RNF19A: variants seen among roughly 807,000 people sequenced by gnomAD.
The protein encoded by RNF19A is ring finger protein 19A, RBR E3 ubiquitin protein ligase.
Under a neutral mutation model 75.7 loss-of-function variants are expected in RNF19A, and 32 were observed. The observed-to-expected ratio is 0.42, with a 90% confidence interval of 0.32 to 0.57. The LOEUF (loss-of-function observed/expected upper bound fraction) is 0.57, where lower values mean the gene tolerates loss of function less well. Among genes scored for constraint, RNF19A ranks in the 20% least tolerant of loss-of-function variants. The probability of loss-of-function intolerance (pLI) is 0.10; values close to 1 mark genes in which losing one functional copy is unlikely to be tolerated. For synonymous variants in RNF19A, 335 were observed against 345.2 expected, an observed-to-expected ratio of 0.97 and a Z score of 0.33; for missense variants, 782 against 1,036.3, an observed-to-expected ratio of 0.75 and a Z score of 3.37.
intron 1 of RNF19A, among the ~76,000 whole-genome samples, chr8:100,320,293 C>A (rs927325650): frequency 6.6e-6 from 1 of 151,978 alleles, no homozygotes; most frequent in Non-Finnish European, 1.5e-5. Flanking sequence ...TTTTAAAAAA[C>A]AACAACAACA....
At chr8:100,286,847 AC>A (rs567840826) in intron 2 of RNF19A, among the ~76,000 whole-genome samples, 45 of 152,324 alleles carry the variant, frequency 3.0e-4, no homozygotes, top group Middle Eastern at 3.4e-3. Context: ...ACAACTGTAC[AC>A]AATAAATACT....
chr8:100,269,422 G>T lies in RNF19A; in HGVS notation c.1028+447C>A, dbSNP rs1264543023. On this transcript the variant is annotated intron_variant, in intron 4 of 9. Transcript: ENST00000341084. The surrounding 1 kb of genome is among the most constrained non-coding windows in gnomAD (Gnocchi z 5.7). ...ATATTAACAAGATACTGATAACTGA[G>T]ATTCAGGTTAAAAATTTATCCCTAG... 6.6e-6 allele frequency among the ~76,000 whole-genome samples: 1 copy of T among 150,820 alleles called. No individual in the cohort carries two copies. The highest frequency in any genetic ancestry group is 1.5e-5 in the Non-Finnish European group (1 of 67,776).
chr8:100,258,872 G>A lies in RNF19A; in HGVS notation c.2201C>T (p.Ser734Phe). The change falls in exon 10 of 10, where the codon TCT becomes TTT. Residue 734 changes from serine to phenylalanine, a missense_variant. Ser to Phe is a radical substitution (Grantham distance 155, BLOSUM62 -2). This residue lies in a region of RNF19A where 442 missense variants were observed against 541.6 expected (regional missense o/e 0.82). Transcript: ENST00000341084. This position sits in a 1 kb window ranked among gnomAD's most constrained non-coding sequence, Gnocchi z 4.3. Reference sequence around the variant, plus strand: ...AGAAGTTTTCATGCTTTCTAGGTCAGAACAACTAAATTCAGAAAAATGACT... The same window carrying A: ...AGAAGTTTTCATGCTTTCTAGGTCAAAACAACTAAATTCAGAAAAATGACT... The part of the protein sequence containing the change: ...HSSHFSEFSC[S>F]DLESMKTSCS... 6.2e-7 allele frequency: 1 copy of A among 1,614,144 alleles called. No individual in the cohort carries two copies. Among genetic ancestry groups the A allele is most frequent in the Non-Finnish European group, 8.5e-7 (1 of 1,180,026 alleles).
Position 100,287,657 on chromosome 8 carries a change from T to C in RNF19A, c.518A>G (p.Asn173Ser), listed in dbSNP as rs1225164600. 8.7e-6 allele frequency: 14 copies of C among 1,614,134 alleles called. No individual in the cohort carries two copies. Among genetic ancestry groups the C allele is most frequent in the Non-Finnish European group, 1.1e-5 (13 of 1,179,990 alleles). The change falls in exon 2 of 10, where the codon AAT becomes AGT. Residue 173 changes from asparagine to serine, a missense_variant. This residue lies in a region of RNF19A where 85 missense variants were observed against 177.7 expected (regional missense o/e 0.48). Transcript: ENST00000341084. This position sits in a 1 kb window ranked among gnomAD's most constrained non-coding sequence, Gnocchi z 4.1. ...LRIEISESRV[N>S]ISCPECTERF... The stretch of plus-strand genomic sequence containing the variant: ...TTCAGTACATTCTGGGCAACTAATA[T>C]TAACTCTGCTTTCAGAGATTTCTAT...
In RNF19A at chr8:100,268,957, A is replaced by G; in HGVS notation, c.1029-10T>C. The stretch of plus-strand genomic sequence containing the variant: ...AGTACATCCTGATGGACTAACGGAA[A>G]AAATTATAATGTAAATAACTGCTGC... On this transcript the variant is annotated splice_polypyrimidine_tract_variant and intron_variant, in intron 4 of 9. Transcript: ENST00000341084. 6.4e-7 allele frequency: 1 copy of G among 1,566,602 alleles called. No individual in the cohort carries two copies. The highest frequency in any genetic ancestry group is 1.2e-5 in the South Asian group (1 of 84,768).
intron 1 of RNF19A, among the ~76,000 whole-genome samples, chr8:100,315,647 G>GT (rs1822362146): frequency 6.6e-6 from 1 of 151,384 alleles, no homozygotes; most frequent in Non-Finnish European, 1.5e-5. Context: ...CTTCTTCGTC[G>GT]TCTTGTTGTT....
chr8:100,302,290 G>A (rs1013899986), intron 1 of RNF19A, among the ~76,000 whole-genome samples: 2 of 152,164 alleles, frequency 1.3e-5, no homozygotes, highest in African/African-American at 4.8e-5. Context: ...GAAAGATGAC[G>A]ATGGCACATC....
chr8:100,282,527 A>C (rs957155112), intron 2 of RNF19A, among the ~76,000 whole-genome samples: 1 of 152,216 alleles, frequency 6.6e-6, no homozygotes, highest in East Asian at 1.9e-4. Context: ...ATGTTTATGT[A>C]TGTGTGTTCT....
rs962392901 is a variant in RNF19A, at chr8:100,309,517, G to A, written c.-94+350C>T. ...GACAGCTCGAGGGGAGCGCCGCCTC[G>A]GCCCGTCATAATATCGCCGGGCCGG... On this transcript the variant is annotated intron_variant, in intron 1 of 9. Coordinates refer to ENST00000341084, the MANE Select transcript of RNF19A (RefSeq NM_183419.4). 9 of 985,298 alleles carry A rather than the reference G, an allele frequency of 9.1e-6. No individual in the cohort carries two copies. In the Admixed American group the frequency reaches 1.8e-4, roughly 20 times the overall value. 61.0% of individuals were successfully genotyped at this position (985,298 alleles called of 1,614,324 possible).
chr8:100,280,664 G>GT (rs1413548427), intron 2 of RNF19A, among the ~76,000 whole-genome samples: 1 of 152,184 alleles, frequency 6.6e-6, no homozygotes, highest in East Asian at 1.9e-4. Flanking sequence ...TTGTCTAGTA[G>GT]TTTTTTCTCA....
At position 100,287,324 on chromosome 8, in the gene RNF19A, G is replaced by C. The variant is rs552892984; in HGVS notation, c.674+177C>G. On this transcript the variant is annotated intron_variant, in intron 2 of 9. Transcript: ENST00000341084. This position sits in a 1 kb window ranked among gnomAD's most constrained non-coding sequence, Gnocchi z 4.1. ...TAACGCAGAGACGATATAGAAATGAGTAAGATAGGATCACTGCCTTTAACA... is the reference window on the plus strand; with the variant it reads ...TAACGCAGAGACGATATAGAAATGACTAAGATAGGATCACTGCCTTTAACA... Among the ~76,000 whole-genome samples the C allele has an allele frequency of 6.6e-6, 1 of 152,130 alleles. No homozygotes were observed. The highest frequency in any genetic ancestry group is 6.5e-5 in the Admixed American group (1 of 15,274).
intron 3 of RNF19A, among the ~76,000 whole-genome samples, chr8:100,272,073 C>T (rs1053102054): frequency 2.6e-5 from 4 of 152,140 alleles, no homozygotes; most frequent in Non-Finnish European, 5.9e-5. Context: ...CAATGATAAT[C>T]TCTTAGGGTG....
chr8:100,332,520 T>C lies in RNF19A; in HGVS notation c.-243+3588A>G, dbSNP rs117489322. 0.011 allele frequency among the ~76,000 whole-genome samples: 1,634 copies of C among 152,356 alleles called. 14 individuals are homozygous for C. The highest frequency in any genetic ancestry group is 0.018 in the Non-Finnish European group (1,244 of 68,026). ...ATAAATTACTCAGTTTCAGGGAAGT[T>C]CTTTATAGCAGTGTGAAAACAGACT... On this transcript the variant is annotated intron_variant, in intron 1 of 3. Transcript: ENST00000519527. The surrounding 1 kb of genome is among the most constrained non-coding windows in gnomAD (Gnocchi z 4.8).
intron 1 of RNF19A, among the ~76,000 whole-genome samples, chr8:100,293,417 T>C (rs1050126422): frequency 6.6e-6 from 1 of 152,250 alleles, no homozygotes; most frequent in African/African-American, 2.4e-5. Context: ...GGACTTAAAA[T>C]AGGTTATTAC....
In RNF19A at chr8:100,260,163, A is replaced by G; in HGVS notation, c.1683-166T>C. The stretch of plus-strand genomic sequence containing the variant: ...TTTAAATTCTACTGCAGCACACTGC[A>G]TAGTACCAGCCATCCAAATAAAATG... On this transcript the variant is annotated intron_variant, in intron 8 of 9. Transcript: ENST00000341084. This position sits in a 1 kb window ranked among gnomAD's most constrained non-coding sequence, Gnocchi z 4.1. 1.7e-6 allele frequency: 1 copy of G among 591,980 alleles called. No individual in the cohort carries two copies. The highest frequency in any genetic ancestry group is 2.9e-6 in the Non-Finnish European group (1 of 348,506). The allele number at this position is 591,980 out of a possible 1,614,324, so 36.7% of individuals were successfully genotyped here.
At chr8:100,308,246 A>T (rs752617963) in intron 1 of RNF19A, among the ~76,000 whole-genome samples, 60 of 152,242 alleles carry the variant, frequency 3.9e-4, no homozygotes, top group Non-Finnish European at 7.2e-4. Flanking sequence ...TGGACACGTA[A>T]AATTTAAACT....
chr8:100,325,592 C>G lies in RNF19A; in HGVS notation c.-243+10516G>C, dbSNP rs374694444. Among the ~76,000 whole-genome samples the G allele has an allele frequency of 2.0e-4, 30 of 152,152 alleles. No individual in the cohort carries two copies. Among genetic ancestry groups the G allele is most frequent in the Non-Finnish European group, 3.4e-4 (23 of 68,040 alleles). ...GCAGCACCACACCTCTAGCCTACGCCCTGGGTCCTCAAGCCCAGCCTATAT... is the reference window on the plus strand; with the variant it reads ...GCAGCACCACACCTCTAGCCTACGCGCTGGGTCCTCAAGCCCAGCCTATAT... On this transcript the variant is annotated intron_variant, in intron 1 of 3. Coordinates refer to the RNF19A transcript ENST00000519527. The surrounding 1 kb of genome is among the most constrained non-coding windows in gnomAD (Gnocchi z 4.3).
chr8:100,298,724 G>A (rs1194856582), intron 1 of RNF19A, among the ~76,000 whole-genome samples: 1 of 152,094 alleles, frequency 6.6e-6, no homozygotes, highest in Non-Finnish European at 1.5e-5. Context: ...GTGCTTTGTG[G>A]TTTTAATAAT....
At chr8:100,296,092 T>TTTTTTTTCTTTTTTTCC (rs1337441345) in intron 1 of RNF19A, among the ~76,000 whole-genome samples, 1 of 152,106 alleles carries the variant, frequency 6.6e-6, no homozygotes, top group African/African-American at 2.4e-5. Flanking sequence ...GGCATTATTC[T>TTTTTTTTCTTTTTTTCC]TTTTTTTCTT....
Sources: allele counts gnomAD v4.1 joint callset (sites outside exome capture counted in the v4.1 genomes callset), GRCh38; gene constraint gnomAD v4.1.1; regional missense constraint gnomAD v4.1.1; non-coding constraint Gnocchi (gnomAD v3.1); transcripts MANE v1.5; gene names NCBI Gene and HGNC (gene_info 2026-07-23, HGNC 2026-07-21).